Variants in ZNF233 observed in about 807,000 individuals in gnomAD.
ZNF233 encodes zinc finger protein 233.
ZNF233 carries 7 observed loss-of-function variants against 11.6 expected under a neutral mutation model. The ratio of observed to expected loss-of-function variants is 0.60; its 90% CI spans 0.34 to 1.13. ZNF233 has a LOEUF of 1.13. ZNF233 is among the 50% of genes most tolerant of loss of function. The pLI is 0.03. For missense variants in ZNF233, 711 were observed against 785.5 expected (o/e 0.91, Z 1.13); for synonymous variants, 226 against 268.5 (o/e 0.84, Z 1.55).
rs997234652 is a variant in ZNF233, at chr19:44,274,511, G to T, written c.1851G>T (p.Glu617Asp). 3 of 1,613,972 alleles carry T rather than the reference G, an allele frequency of 1.9e-6. No individual in the cohort carries two copies. The Admixed American group carries it at 5.0e-5, about 27-fold the overall frequency. Residue 617 changes from glutamate to aspartate, a missense_variant, in exon 5 of 5, where the codon GAG becomes GAT. By Grantham distance (45) the Glu-to-Asp change is conservative. Coordinates refer to ENST00000683810, the MANE Select transcript of ZNF233 (RefSeq NM_001207005.2). ...LHVHQRIHTGEKPYKCGMCGK... is the reference protein window; with the variant it reads ...LHVHQRIHTGDKPYKCGMCGK... ...TTCATCAGAGGATCCACACGGGAGA[G>T]AAACCCTATAAATGTGGCATGTGTG...
intron 1 of ZNF233, among the ~76,000 whole-genome samples, chr19:44,264,063 T>G (rs1324399442): frequency 5.9e-5 from 9 of 152,198 alleles, no homozygotes. Flanking sequence ...TACATTCTGC[T>G]GCAAGTAGCT....
intron 4 of ZNF233, chr19:44,267,400 C>T: frequency 2.5e-6 from 1 of 395,248 alleles, no homozygotes; most frequent in Non-Finnish European, 4.4e-6. Context: ...GTGACCTAGG[C>T]TGAAGTGGTG....
At chr19:44,271,960 C>G (rs896082506) in intron 4 of ZNF233, among the ~76,000 whole-genome samples, 5 of 151,830 alleles carry the variant, frequency 3.3e-5, no homozygotes, top group Admixed American at 2.0e-4. Context: ...CATGGTGGCT[C>G]ACACCTGTAA....
chr19:44,274,099 A>G lies in ZNF233; in HGVS notation c.1439A>G (p.Tyr480Cys). 2 of 1,613,926 alleles carry G rather than the reference A, an allele frequency of 1.2e-6. No homozygotes were observed. Among genetic ancestry groups the G allele is most frequent in the East Asian group, 2.2e-5 (1 of 44,874 alleles). The change falls in exon 5 of 5, where the codon TAC (tyrosine) becomes TGC (cysteine). Residue 480 changes from tyrosine (Y) to cysteine (C), a missense_variant. By Grantham distance (194) the Tyr-to-Cys change is radical. Transcript: ENST00000683810. Reference sequence around the variant, plus strand: ...AGAATCCACACTGGAGAGAAACCCTACAAATGTGATGTGTGTGATAAGAAC... The same window carrying G: ...AGAATCCACACTGGAGAGAAACCCTGCAAATGTGATGTGTGTGATAAGAAC... ...HQRIHTGEKPYKCDVCDKNFS... is the reference protein window; with the variant it reads ...HQRIHTGEKPCKCDVCDKNFS...
chr19:44,270,939 C>T (rs564004514), intron 4 of ZNF233, among the ~76,000 whole-genome samples: 1 of 152,208 alleles, frequency 6.6e-6, no homozygotes, highest in South Asian at 2.1e-4. Context: ...AAACTTGATA[C>T]AGTGTGGGAG....
At position 44,273,544 on chromosome 19, in the gene ZNF233, T is replaced by G. The variant is rs150005688; in HGVS notation, c.884T>G (p.Ile295Arg). The G allele has an allele frequency of 6.2e-7, 1 of 1,614,190 alleles. No homozygotes were observed. The highest frequency in any genetic ancestry group is 8.5e-7 in the Non-Finnish European group (1 of 1,180,040). ...PHVNVEYGKG[I>R]GYSSGLPRHQ... The stretch of plus-strand genomic sequence containing the variant: ...GTAAATGTTGAGTACGGGAAGGGCA[T>G]AGGTTACAGCTCAGGGCTTCCCAGG... Residue 295 changes from isoleucine to arginine, a missense_variant, in exon 5 of 5, where the codon ATA becomes AGA. By Grantham distance (97) the Ile-to-Arg change is moderately conservative (BLOSUM62 -3). Coordinates refer to ENST00000683810, the MANE Select transcript of ZNF233 (RefSeq NM_001207005.2).
chr19:44,274,929 G>A lies in ZNF233; in HGVS notation c.*256G>A. ...ACACACAACAGAGAAACCCTATAAAGAATGATACAATATGTTTCAATCAGA... is the reference window on the plus strand; with the variant it reads ...ACACACAACAGAGAAACCCTATAAAAAATGATACAATATGTTTCAATCAGA... On this transcript the variant is annotated 3_prime_UTR_variant, in exon 5 of 5. Transcript: ENST00000683810. The A allele has an allele frequency of 2.2e-6, 1 of 453,524 alleles. No homozygotes were observed. Among genetic ancestry groups the A allele is most frequent in the Non-Finnish European group, 3.9e-6 (1 of 258,658 alleles). The allele number at this position is 453,524 out of a possible 1,614,324, so 28.1% of individuals were successfully genotyped here.
chr19:44,272,699 C>A (rs1386920972), intron 4 of ZNF233, among the ~76,000 whole-genome samples, 200 bp from the exon 5 acceptor site: 1 of 152,102 alleles, frequency 6.6e-6, no homozygotes, highest in Non-Finnish European at 1.5e-5. Flanking sequence ...CACACCACTG[C>A]ACTCCAGCCT....
Position 44,266,459 on chromosome 19 carries a change from T to C in ZNF233, c.142+135T>C, listed in dbSNP as rs180697178. 139 of 1,184,274 alleles carry C rather than the reference T, an allele frequency of 1.2e-4. No individual in the cohort carries two copies. The African/African-American group carries it at 2.0e-3, about 17-fold the overall frequency. 73.4% of individuals were successfully genotyped at this position (1,184,274 alleles called of 1,614,324 possible). A position where few individuals can be genotyped will look rare whatever the true frequency, so the allele number is the denominator to read the frequency against. ...AATTTTCTAATTCCTCAGGGACATC[T>C]TGTCTATACCTTGTCTATTTTTCTC... On this transcript the variant is annotated intron_variant, in intron 3 of 4. Transcript: ENST00000683810.
At chr19:44,270,999 A>G (rs1382969959) in intron 4 of ZNF233, among the ~76,000 whole-genome samples, 7 of 152,326 alleles carry the variant, frequency 4.6e-5, no homozygotes, top group African/African-American at 1.4e-4. Context: ...ACTGGGGACC[A>G]TCTTGTATTA....
At chr19:44,267,130 AC>A (rs1319791322) in intron 4 of ZNF233, 169 bp downstream of exon 4, 1 of 513,126 alleles carries the variant, frequency 1.9e-6, no homozygotes, top group Admixed American at 3.3e-5. Flanking sequence ...TCCATTCTCC[AC>A]ATAGCCAGAT....
chr19:44,266,103 C>A, intron 2 of ZNF233, 95 bp from the exon 3 acceptor site: 1 of 1,352,452 alleles, frequency 7.4e-7, no homozygotes, highest in Non-Finnish European at 9.7e-7. Context: ...CAATCCAGAA[C>A]GTCTTCCTGC....
intron 4 of ZNF233, among the ~76,000 whole-genome samples, chr19:44,270,142 T>G (rs575920010): frequency 6.6e-6 from 1 of 152,092 alleles, no homozygotes; most frequent in African/African-American, 2.4e-5. Context: ...CTTCTGATGT[T>G]ATGTTCAGCC....
chr19:44,270,066 TTG>T (rs1190801372), intron 4 of ZNF233, among the ~76,000 whole-genome samples: 1 of 152,166 alleles, frequency 6.6e-6, no homozygotes, highest in Admixed American at 6.5e-5. Flanking sequence ...TCACTTCTCA[TTG>T]AGAGAGTTCA....
chr19:44,273,374 T>C lies in ZNF233; in HGVS notation c.714T>C (p.Asn238=), dbSNP rs1975297688. ...GAGAGAAAGCTTTTAGCCACAATAA[T>C]TGTGGAAAAGACTGTGTGAAGGAAT... is the stretch of plus-strand genomic sequence containing the variant. The part of the protein sequence containing the change: ...HKREKAFSHN[N]CGKDCVKESS... The change falls in exon 5 of 5, where the codon AAT becomes AAC. Residue 238 remains asparagine (N), a synonymous_variant. Transcript: ENST00000683810. 3.1e-6 allele frequency: 5 copies of C among 1,614,164 alleles called. No homozygotes were observed. The highest frequency in any genetic ancestry group is 4.2e-6 in the Non-Finnish European group (5 of 1,180,030).
At chr19:44,267,006 C>A in intron 4 of ZNF233, 45 bp downstream of exon 4, 1 of 1,449,086 alleles carries the variant, frequency 6.9e-7, no homozygotes, top group Non-Finnish European at 9.6e-7. Flanking sequence ...ACAGCCTAGT[C>A]CTCTCCTCCT....
chr19:44,260,808 T>C (rs1974917238), intron 1 of ZNF233, among the ~76,000 whole-genome samples: 1 of 152,190 alleles, frequency 6.6e-6, no homozygotes, highest in Non-Finnish European at 1.5e-5. Flanking sequence ...CCACACTCAT[T>C]AGCAATATTA....
chr19:44,262,997 C>T (rs1974977445), intron 1 of ZNF233, among the ~76,000 whole-genome samples: 1 of 152,158 alleles, frequency 6.6e-6, no homozygotes, highest in South Asian at 2.1e-4. Context: ...GATTCAGATG[C>T]AGTCTCACCT....
intron 4 of ZNF233, among the ~76,000 whole-genome samples, chr19:44,269,891 G>T (rs965418527): frequency 7.2e-5 from 11 of 152,010 alleles, no homozygotes; most frequent in Non-Finnish European, 1.6e-4. Flanking sequence ...ATTTTTTAGG[G>T]TTTCACATTC....
Sources: allele counts gnomAD v4.1 joint callset (sites outside exome capture counted in the v4.1 genomes callset), GRCh38; gene constraint gnomAD v4.1.1; transcripts MANE v1.5; gene names NCBI Gene and HGNC (gene_info 2026-07-23, HGNC 2026-07-21).